IRF6: variants seen among roughly 807,000 people sequenced by gnomAD.
The protein encoded by IRF6 is Van der Woude syndrome.
Under a neutral mutation model 51.4 loss-of-function variants are expected in IRF6, and 6 were observed. That is an observed-to-expected ratio of 0.12 (90% CI 0.06 to 0.23). IRF6 has a LOEUF of 0.23. Among genes scored for constraint, IRF6 ranks in the 10% least tolerant of loss-of-function variants. IRF6 has a pLI of 1.00. For missense variants in IRF6, 348 were observed against 585.2 expected (o/e 0.59, Z 4.18); for synonymous variants, 178 against 215.7 (o/e 0.83, Z 1.53).
In IRF6 at chr1:209,790,818, G is replaced by A; in HGVS notation, c.737C>T (p.Pro246Leu). The change falls in exon 7 of 9, where the codon CCT becomes CTT. Residue 246 changes from proline (P) to leucine (L), a missense_variant. Coordinates refer to ENST00000367021, the MANE Select transcript of IRF6 (RefSeq NM_006147.4). This position sits in a 1 kb window ranked among gnomAD's most constrained non-coding sequence, Gnocchi z 4.8. ...CCCATAGAAGAGTCGGCAGCCCTGAGGGTTGCTCACGGTCATGGTCTGCCC... is the reference window on the plus strand; with the variant it reads ...CCCATAGAAGAGTCGGCAGCCCTGAAGGTTGCTCACGGTCATGGTCTGCCC... ...EYGQTMTVSNPQGCRLFYGDL... is the reference protein window; with the variant it reads ...EYGQTMTVSNLQGCRLFYGDL... The A allele has an allele frequency of 6.2e-7, 1 of 1,614,010 alleles. No individual in the cohort carries two copies. Among genetic ancestry groups the A allele is most frequent in the Non-Finnish European group, 8.5e-7 (1 of 1,180,036 alleles).
intron 5 of IRF6, among the ~76,000 whole-genome samples, chr1:209,794,200 A>C (rs1303719925): frequency 1.3e-5 from 2 of 152,204 alleles, no homozygotes; most frequent in Admixed American, 1.3e-4. Context: ...GCAGGATATA[A>C]GTGTTCCCTT....
intron 8 of IRF6, 82 bp downstream of exon 8, chr1:209,789,585 T>C (rs2077856491): frequency 1.0e-6 from 1 of 980,526 alleles, no homozygotes; most frequent in Non-Finnish European, 1.7e-6. Flanking sequence ...TGATGGATGC[T>C]TGATGAGGGC....
intron 5 of IRF6, 68 bp from the exon 6 acceptor site, chr1:209,792,495 G>A (rs1571980845): frequency 1.9e-6 from 3 of 1,545,244 alleles, no homozygotes; most frequent in African/African-American, 2.7e-5. Flanking sequence ...GATGCTCTGA[G>A]AACTCACAAG....
intron 3 of IRF6, among the ~76,000 whole-genome samples, chr1:209,798,256 C>A (rs1028457846): frequency 6.6e-6 from 1 of 152,238 alleles, no homozygotes; most frequent in South Asian, 2.1e-4. Flanking sequence ...TATCCAACCC[C>A]CTACGGGAGA....
chr1:209,805,676 G>A (rs2077969791), intron 1 of IRF6, among the ~76,000 whole-genome samples: 1 of 152,166 alleles, frequency 6.6e-6, no homozygotes, highest in Non-Finnish European at 1.5e-5. Context: ...GTTGACGGCC[G>A]AGAGCAGTGC....
chr1:209,804,276 C>A (rs2077961062), intron 1 of IRF6, among the ~76,000 whole-genome samples: 1 of 152,136 alleles, frequency 6.6e-6, no homozygotes, highest in African/African-American at 2.4e-5. Context: ...ATATTACTAT[C>A]CCCATTTTAC....
rs11418099 is a variant in IRF6, at chr1:209,797,370, CAAAAAA to C, written c.175-824_175-819del. Among the ~76,000 whole-genome samples, 109 of 48,586 alleles carry C rather than the reference CAAAAAA, an allele frequency of 2.2e-3. 1 individual carries two copies. Among genetic ancestry groups the C allele is most frequent in the African/African-American group, 1.6e-3 (17 of 10,956 alleles). The allele number at this position is 48,586 out of a possible 152,430, so 31.9% of individuals were successfully genotyped here. On this transcript the variant is annotated intron_variant, in intron 3 of 8. Transcript: ENST00000367021. ...GGGCAACAAGAGTAAAACTTCATCT[CAAAAAA>C]AAAAAAAAAAAAAAAAAAAAGAATT...
At chr1:209,795,101 A>G (rs929854650) in intron 5 of IRF6, among the ~76,000 whole-genome samples, 189 bp downstream of exon 5, 1 of 152,114 alleles carries the variant, frequency 6.6e-6, no homozygotes, top group East Asian at 1.9e-4. Context: ...AACCCACCCA[A>G]CTCTACTGGG....
At chr1:209,800,230 G>A (rs2077932228) in intron 3 of IRF6, among the ~76,000 whole-genome samples, 2 of 152,162 alleles carry the variant, frequency 1.3e-5, no homozygotes, top group Non-Finnish European at 2.9e-5. Context: ...CAAACCATGT[G>A]AAAACCTTTC....
intron 8 of IRF6, 26 bp downstream of exon 8, chr1:209,789,641 T>G: frequency 1.3e-6 from 2 of 1,525,810 alleles, no homozygotes; most frequent in Non-Finnish European, 1.8e-6. Context: ...AGATGAAGAG[T>G]TGTTGACACA....
intron 2 of IRF6, among the ~76,000 whole-genome samples, chr1:209,801,759 G>A (rs2077944957): frequency 6.6e-6 from 1 of 152,228 alleles, no homozygotes; most frequent in Non-Finnish European, 1.5e-5. Flanking sequence ...CTTTGGAAGA[G>A]AAGGAAAATT....
In IRF6 at chr1:209,790,469, G is replaced by A. The variant is rs752056948; in HGVS notation, c.1060+26C>T. 16 of 1,611,160 alleles carry A rather than the reference G, an allele frequency of 9.9e-6. No individual in the cohort carries two copies. The highest frequency in any genetic ancestry group is 4.5e-5 in the East Asian group (2 of 44,870). ...TGTACTTCCAGAGAGTGATTCCCACGATCAACTTTCTGAGAAATGACTTAC... is the reference window on the plus strand; with the variant it reads ...TGTACTTCCAGAGAGTGATTCCCACAATCAACTTTCTGAGAAATGACTTAC... On this transcript the variant is annotated intron_variant, in intron 7 of 8. Transcript: ENST00000367021. This position sits in a 1 kb window ranked among gnomAD's most constrained non-coding sequence, Gnocchi z 4.8.
intron 1 of IRF6, among the ~76,000 whole-genome samples, chr1:209,805,517 T>C (rs1190079405): frequency 1.3e-5 from 2 of 152,186 alleles, no homozygotes; most frequent in Non-Finnish European, 2.9e-5. Flanking sequence ...CCAAAGCTCC[T>C]GGCCACCCTC....
intron 1 of IRF6, among the ~76,000 whole-genome samples, chr1:209,803,707 C>T (rs539141323): frequency 3.3e-5 from 5 of 152,122 alleles, no homozygotes; most frequent in African/African-American, 4.8e-5. Context: ...CCAGTAACTA[C>T]AAGTCTAAAA....
chr1:209,790,140 G>T lies in IRF6; in HGVS notation c.1060+355C>A, dbSNP rs547806831. Among the ~76,000 whole-genome samples, 11 of 152,292 alleles carry T rather than the reference G, an allele frequency of 7.2e-5. No individual in the cohort carries two copies. The South Asian group carries it at 2.1e-3, about 29-fold the overall frequency. ...TTCACCACTCAGATAATTCCCAAAA[G>T]AATATGTGCTATTCTGAACATAACA... On this transcript the variant is annotated intron_variant, in intron 7 of 8. Transcript: ENST00000367021. This position sits in a 1 kb window ranked among gnomAD's most constrained non-coding sequence, Gnocchi z 4.8.
intron 3 of IRF6, among the ~76,000 whole-genome samples, chr1:209,797,540 A>G (rs1337864198): frequency 2.0e-5 from 3 of 152,154 alleles, no homozygotes; most frequent in African/African-American, 7.2e-5. Context: ...CATTAGAAAC[A>G]TCATGCTGTC....
chr1:209,799,469 T>C (rs1443206185), intron 3 of IRF6, among the ~76,000 whole-genome samples: 1 of 152,196 alleles, frequency 6.6e-6, no homozygotes. Context: ...AGACACCCAT[T>C]TAATGTTAGT....
intron 6 of IRF6, among the ~76,000 whole-genome samples, chr1:209,791,770 G>A (rs1264093296): frequency 6.6e-6 from 1 of 152,046 alleles, no homozygotes; most frequent in African/African-American, 2.4e-5. Flanking sequence ...GGGCAAGTAA[G>A]TGTCAGCCAA....
At chr1:209,789,026 C>A (rs2077851620) in intron 8 of IRF6, among the ~76,000 whole-genome samples, 2 of 152,186 alleles carry the variant, frequency 1.3e-5, no homozygotes, top group South Asian at 4.1e-4. Flanking sequence ...AAAGGTTTTT[C>A]TAAGAAAGGC....
Sources: gnomAD v4.1 joint callset for allele counts (sites outside exome capture counted in the v4.1 genomes callset) on GRCh38, gnomAD v4.1.1 for gene constraint, Gnocchi (gnomAD v3.1) non-coding constraint, MANE v1.5 for transcripts, NCBI Gene and HGNC (gene_info 2026-07-23, HGNC 2026-07-21) for gene names.